Variants in THSD7A observed in about 807,000 individuals in gnomAD.
The protein encoded by THSD7A is thrombospondin type 1 domain containing 7A, also known as thrombospondin type-1 domain-containing protein 7A.
In THSD7A, 96 loss-of-function variants were observed where a neutral mutation model predicts 231.3. That is an observed-to-expected ratio of 0.41 (90% CI 0.35 to 0.49). The LOEUF is 0.49. THSD7A is among the 20% of genes least tolerant of loss of function. The pLI, the probability that THSD7A is intolerant of heterozygous loss-of-function variation, is 0.05. For missense variants in THSD7A, 2,290 were observed against 2,070.2 expected (o/e 1.11, Z -2.06); for synonymous variants, 940 against 743.3 (o/e 1.26, Z -4.30).
chr7:11,491,653 A>G (rs1437584718), intron 6 of THSD7A, among the ~76,000 whole-genome samples: 1 of 152,132 alleles, frequency 6.6e-6, no homozygotes, highest in Non-Finnish European at 1.5e-5. Flanking sequence ...GAGTTAATCA[A>G]TACAATCACC....
rs146506683 is a variant in THSD7A at position 11,652,632 on chromosome 7, TATG to T, written c.191-15674_191-15672del. ...TTTAATGTATCAAAATTGGTTCATTTATGATAACAAATATACCATATTATGTAA... is the reference window on the plus strand; with the variant it reads ...TTTAATGTATCAAAATTGGTTCATTTATAACAAATATACCATATTATGTAA... On this transcript the variant is annotated intron_variant, in intron 1 of 27. Transcript: ENST00000423059. Among the ~76,000 whole-genome samples the T allele has an allele frequency of 7.9e-3, 1,207 of 152,100 alleles. 10 individuals carry two copies. Among genetic ancestry groups the T allele is most frequent in the African/African-American group, 0.028 (1,153 of 41,540 alleles).
chr7:11,389,048 G>A (rs1782874624), intron 23 of THSD7A, among the ~76,000 whole-genome samples: 1 of 152,160 alleles, frequency 6.6e-6, no homozygotes. Context: ...TAGAATAAGT[G>A]TGATGTGGTG....
At chr7:11,531,020 C>G (rs1188580857) in intron 6 of THSD7A, among the ~76,000 whole-genome samples, 1 of 152,026 alleles carries the variant, frequency 6.6e-6, no homozygotes, top group Non-Finnish European at 1.5e-5. Context: ...CAAAAACAAA[C>G]AAACAAGATT....
intron 6 of THSD7A, among the ~76,000 whole-genome samples, chr7:11,502,935 C>T (rs532516499): frequency 5.3e-5 from 8 of 152,258 alleles, no homozygotes; most frequent in Non-Finnish European, 7.4e-5. Flanking sequence ...ACATTCTTGA[C>T]ATTCTTCATT....
At chr7:11,483,691 A>G (rs1289522982) in intron 6 of THSD7A, among the ~76,000 whole-genome samples, 5 of 152,056 alleles carry the variant, frequency 3.3e-5, no homozygotes, top group Non-Finnish European at 1.5e-5. Flanking sequence ...GCTCTCTTAT[A>G]TCTTATTTTC....
intron 1 of THSD7A, among the ~76,000 whole-genome samples, chr7:11,729,387 G>A (rs1033909864): frequency 6.6e-6 from 1 of 151,628 alleles, no homozygotes; most frequent in Non-Finnish European, 1.5e-5. Flanking sequence ...TAAGGTTACC[G>A]ATACACAGCA....
intron 1 of THSD7A, among the ~76,000 whole-genome samples, chr7:11,706,636 T>G (rs1251540984): frequency 1.4e-5 from 2 of 138,836 alleles, no homozygotes; most frequent in Non-Finnish European, 3.3e-5. Context: ...GGTGCTTTTT[T>G]TTTTTTTTTT....
chr7:11,432,892 AAAAT>A (rs1784522879), intron 13 of THSD7A, among the ~76,000 whole-genome samples: 1 of 152,028 alleles, frequency 6.6e-6, no homozygotes, highest in Admixed American at 6.6e-5. Context: ...AATGAAGTAT[AAAAT>A]AAATTTTAAA....
At chr7:11,641,833 T>C (rs989731500) in intron 1 of THSD7A, among the ~76,000 whole-genome samples, 3 of 152,104 alleles carry the variant, frequency 2.0e-5, no homozygotes, top group African/African-American at 4.8e-5. Flanking sequence ...TATCTTTTCA[T>C]TGCACCTTGG....
rs1781889740 is a variant in THSD7A at position 11,636,960 on chromosome 7, AC to A, written c.191del (p.Gly64ValfsTer72). ...EAPTLYLWKT[G>X]PWGRCMGDEC... is the part of the protein sequence containing the mutation. The stretch of plus-strand genomic sequence containing the variant: ...CATCTCCCATACATCGGCCCCATGG[AC>A]CTACAAAAATTATAACACAAAAATT... On this transcript the variant is annotated frameshift_variant and splice_region_variant, in exon 2 of 28. Coordinates refer to ENST00000423059, the MANE Select transcript of THSD7A (RefSeq NM_015204.3). LOFTEE classifies it high-confidence loss of function. This position sits in a 1 kb window ranked among gnomAD's most constrained non-coding sequence, Gnocchi z 10.0. The A allele has an allele frequency of 6.3e-7, 1 of 1,596,114 alleles. No individual in the cohort carries two copies. Among genetic ancestry groups the A allele is most frequent in the South Asian group, 1.1e-5 (1 of 89,864 alleles).
intron 1 of THSD7A, among the ~76,000 whole-genome samples, chr7:11,783,750 A>G (rs1783703077): frequency 6.6e-6 from 1 of 152,164 alleles, no homozygotes; most frequent in Non-Finnish European, 1.5e-5. Context: ...ATTTATAGAA[A>G]CAATACTCCC....
At chr7:11,782,850 C>T (rs977123806) in intron 1 of THSD7A, among the ~76,000 whole-genome samples, 1 of 152,064 alleles carries the variant, frequency 6.6e-6, no homozygotes, top group African/African-American at 2.4e-5. Flanking sequence ...ATAGCATTTG[C>T]TGAAAGTATA....
At chr7:11,510,044 G>A (rs1288886930) in intron 6 of THSD7A, among the ~76,000 whole-genome samples, 3 of 151,866 alleles carry the variant, frequency 2.0e-5, no homozygotes, top group Admixed American at 1.3e-4. Context: ...CCACTACTGG[G>A]TATCTACCCA....
intron 1 of THSD7A, among the ~76,000 whole-genome samples, chr7:11,690,528 C>T (rs1320291049): frequency 1.3e-5 from 2 of 151,640 alleles, no homozygotes; most frequent in Admixed American, 6.6e-5. Context: ...GTGTTTTCCT[C>T]CTCAGCTCTT....
chr7:11,656,987 A>C (rs1782734144), intron 1 of THSD7A, among the ~76,000 whole-genome samples: 1 of 151,904 alleles, frequency 6.6e-6, no homozygotes, highest in South Asian at 2.1e-4. Flanking sequence ...CATGTTACTC[A>C]ATTGTTAAGA....
At position 11,636,573 on chromosome 7, in the gene THSD7A, T is replaced by C. The variant is rs1169610498; in HGVS notation, c.579A>G (p.Gln193=). Residue 193 remains glutamine, a synonymous_variant, in exon 2 of 28, where the codon CAA becomes CAG. Transcript: ENST00000423059. This position sits in a 1 kb window ranked among gnomAD's most constrained non-coding sequence, Gnocchi z 10.0. ...CAGAAAATTCAGACACGATGCAATCTTGCTGGCAAGGAATGAGGCAAGCCT... is the reference window on the plus strand; with the variant it reads ...CAGAAAATTCAGACACGATGCAATCCTGCTGGCAAGGAATGAGGCAAGCCT... The part of the protein sequence containing the change: ...LEQACLIPCQ[Q]DCIVSEFSAW... 1 of 1,613,838 alleles carries C rather than the reference T, an allele frequency of 6.2e-7. No individual in the cohort carries two copies. The highest frequency in any genetic ancestry group is 1.3e-5 in the African/African-American group (1 of 74,914).
intron 7 of THSD7A, among the ~76,000 whole-genome samples, chr7:11,480,053 G>A (rs969970828): frequency 1.3e-5 from 2 of 151,944 alleles, no homozygotes; most frequent in Non-Finnish European, 2.9e-5. Flanking sequence ...ATTATTACAC[G>A]TCAATTAAAA....
At chr7:11,416,701 T>A (rs1366332133) in intron 17 of THSD7A, among the ~76,000 whole-genome samples, 1 of 152,240 alleles carries the variant, frequency 6.6e-6, no homozygotes, top group East Asian at 1.9e-4. Flanking sequence ...ATTTTTCTCA[T>A]GCTTTTGATG....
chr7:11,406,163 G>T lies in THSD7A; in HGVS notation c.4237+137C>A. On this transcript the variant is annotated intron_variant, in intron 22 of 27. Coordinates refer to ENST00000423059, the MANE Select transcript of THSD7A (RefSeq NM_015204.3). The surrounding 1 kb of genome is among the most constrained non-coding windows in gnomAD (Gnocchi z 4.7). ...GCGTCCCGTTCCCCACAGGCATAGT[G>T]TTGAGCTGTTGGCATAGATATTACT... is the stretch of plus-strand genomic sequence containing the variant. 2.3e-6 allele frequency: 2 copies of T among 886,218 alleles called. No individual in the cohort carries two copies. Among genetic ancestry groups the T allele is most frequent in the Non-Finnish European group, 1.7e-6 (1 of 598,362 alleles). The allele number at this position is 886,218 out of a possible 1,614,324, so 54.9% of individuals were successfully genotyped here.
Sources: allele counts gnomAD v4.1 joint callset (sites outside exome capture counted in the v4.1 genomes callset), GRCh38; gene constraint gnomAD v4.1.1; non-coding constraint Gnocchi (gnomAD v3.1); transcripts MANE v1.5; gene names NCBI Gene and HGNC (gene_info 2026-07-23, HGNC 2026-07-21).